Variants in ABCC1 observed in about 807,000 individuals in gnomAD.
ABCC1 encodes multidrug resistance-associated protein 1.
In ABCC1, 83 loss-of-function variants were observed where a neutral mutation model predicts 172.9. That is an observed-to-expected ratio of 0.48 (90% CI 0.40 to 0.58). The LOEUF is 0.58. Among genes scored for constraint, ABCC1 ranks in the 20% least tolerant of loss-of-function variants. The probability of loss-of-function intolerance (pLI) is 0.00; values close to 1 mark genes in which losing one functional copy is unlikely to be tolerated. For missense variants in ABCC1, 1,817 were observed against 2,002.7 expected, an observed-to-expected ratio of 0.91 and a Z score of 1.77; for synonymous variants, 937 against 825.2, an observed-to-expected ratio of 1.14 and a Z score of -2.32.
In ABCC1 at chr16:16,007,977, C is replaced by T; in HGVS notation, c.210C>T (p.Leu70=). Residue 70 remains leucine (L), a synonymous_variant, in exon 2 of 31, where the codon CTC becomes CTT. Transcript: ENST00000399410. ...GAGGCTACATTCAGATGACACCTCT[C>T]AACAAAACCAAAACTGTAAGTCACT... is the stretch of plus-strand genomic sequence containing the variant. ...HDRGYIQMTP[L]NKTKTALGFL... 4 of 1,583,082 alleles carry T rather than the reference C, an allele frequency of 2.5e-6. No homozygotes were observed. The highest frequency in any genetic ancestry group is 3.4e-6 in the Non-Finnish European group (4 of 1,166,372).
intron 20 of ABCC1, 170 bp from the exon 21 acceptor site, chr16:16,106,568 C>T: frequency 1.6e-6 from 1 of 609,578 alleles, no homozygotes; most frequent in Non-Finnish European, 2.5e-6. Flanking sequence ...TGGAGAGTGA[C>T]ATGGTGGGGT....
intron 23 of ABCC1, 67 bp downstream of exon 23, chr16:16,115,143 G>A (rs958970392): frequency 9.3e-6 from 14 of 1,512,162 alleles, no homozygotes; most frequent in Non-Finnish European, 1.3e-5. Context: ...GTTACCTAAA[G>A]CCTTGTTTTA....
At chr16:16,007,212 T>TG (rs1445992591) in intron 1 of ABCC1, among the ~76,000 whole-genome samples, 6 of 114,848 alleles carry the variant, frequency 5.2e-5, no homozygotes, top group South Asian at 5.6e-4. Flanking sequence ...GTGTATGCAC[T>TG]GTTGTGTGTG....
rs537144126 is a variant in ABCC1 at position 16,078,334 on chromosome 16, T to C, written c.1989-1018T>C. On this transcript the variant is annotated intron_variant, in intron 15 of 30. Transcript: ENST00000399410. Reference sequence around the variant, plus strand: ...AGTGGCCTGGGGTTGACCTGCCCCATTGACAGCCGGTCTTACTGGGTGAAT... The same window carrying C: ...AGTGGCCTGGGGTTGACCTGCCCCACTGACAGCCGGTCTTACTGGGTGAAT... 1.2e-3 allele frequency among the ~76,000 whole-genome samples: 186 copies of C among 152,274 alleles called. 1 individual carries two copies. Among genetic ancestry groups the C allele is most frequent in the African/African-American group, 4.2e-3 (175 of 41,566 alleles).
intron 2 of ABCC1, 23 bp downstream of exon 2, chr16:16,008,015 TGTG>T (rs757838092): frequency 1.9e-6 from 1 of 515,862 alleles, no homozygotes; most frequent in South Asian, 1.7e-5. Flanking sequence ...GGGGTTTCGT[TGTG>T]GGGGGTGGGA....
intron 24 of ABCC1, 123 bp downstream of exon 24, chr16:16,122,297 G>C (rs1457068070): frequency 9.2e-7 from 1 of 1,082,182 alleles, no homozygotes; most frequent in South Asian, 1.5e-5. Context: ...TTGCAGAAAG[G>C]ATGGAGAGGC....
At chr16:16,034,627 A>G (rs246235) in intron 6 of ABCC1, among the ~76,000 whole-genome samples, 89,907 of 138,500 alleles carry the variant, frequency 0.65, 29,154 homozygotes, top group East Asian at 0.75. Context: ...TTGCTCTGTC[A>G]TCCAGGGTGC....
rs76791929 is a variant in ABCC1, at chr16:16,133,270, G to C, written c.3967-1080G>C. ...TCTGAACATATGGACTTATTGAACT[G>C]TTCCTACGTACCTCCCACAAAGCTC... On this transcript the variant is annotated intron_variant, in intron 27 of 30. Transcript: ENST00000399410. 8.9e-3 allele frequency among the ~76,000 whole-genome samples: 1,360 copies of C among 152,266 alleles called. 9 individuals are homozygous for C. The highest frequency in any genetic ancestry group is 0.036 in the South Asian group (171 of 4,814).
intron 19 of ABCC1, among the ~76,000 whole-genome samples, chr16:16,097,825 GC>G (rs1255440431): frequency 6.6e-6 from 1 of 152,188 alleles, no homozygotes. Context: ...GTGGAATGGT[GC>G]CCCCCACGTT....
intron 19 of ABCC1, among the ~76,000 whole-genome samples, chr16:16,092,925 T>C (rs1176577882): frequency 6.6e-6 from 1 of 152,218 alleles, no homozygotes; most frequent in Non-Finnish European, 1.5e-5. Context: ...GGAGTCAGGC[T>C]GCTGTGAGCC....
At chr16:15,982,802 T>C (rs1453612681) in intron 1 of ABCC1, among the ~76,000 whole-genome samples, 5 of 4,562 alleles carry the variant, frequency 1.1e-3, no homozygotes, top group Non-Finnish European at 1.9e-3. Flanking sequence ...TGAGACGCTG[T>C]CAAAAAAAAA....
At chr16:15,977,843 T>C (rs952741226) in intron 1 of ABCC1, among the ~76,000 whole-genome samples, 6 of 152,208 alleles carry the variant, frequency 3.9e-5, no homozygotes, top group Non-Finnish European at 7.3e-5. Context: ...TGGGCATCCA[T>C]CTGTTGTCAC....
chr16:15,956,894 T>C (rs1045766772), intron 1 of ABCC1, among the ~76,000 whole-genome samples: 2 of 151,944 alleles, frequency 1.3e-5, no homozygotes, highest in African/African-American at 4.8e-5. Context: ...CCCGTGCAGT[T>C]TAAATGTGTG....
chr16:15,981,207 C>A (rs964074084), intron 1 of ABCC1, among the ~76,000 whole-genome samples: 4 of 152,236 alleles, frequency 2.6e-5, no homozygotes, highest in African/African-American at 9.7e-5. Context: ...TTTCCAGGTG[C>A]ACGGTGCAAG....
chr16:16,020,012 C>T (rs1360702741), intron 5 of ABCC1, among the ~76,000 whole-genome samples: 1 of 152,200 alleles, frequency 6.6e-6, no homozygotes, highest in Non-Finnish European at 1.5e-5. Context: ...GCCTCTGCCT[C>T]CCAGGTTCAA....
chr16:16,007,010 A>G (rs919381658), intron 1 of ABCC1, among the ~76,000 whole-genome samples: 3 of 151,980 alleles, frequency 2.0e-5, no homozygotes, highest in Non-Finnish European at 4.4e-5. Context: ...ATGATTAGAA[A>G]GTCCTCAGTT....
In ABCC1 at chr16:16,014,573, C is replaced by T; in HGVS notation, c.434C>T (p.Ala145Val). 2 of 1,614,090 alleles carry T rather than the reference C, an allele frequency of 1.2e-6. No homozygotes were observed. The highest frequency in any genetic ancestry group is 1.7e-6 in the Non-Finnish European group (2 of 1,180,024). The change falls in exon 4 of 31, where the codon GCC becomes GTC. Residue 145 changes from alanine (A) to valine (V), a missense_variant. This residue lies in a region of ABCC1 where 398 missense variants were observed against 384.2 expected (regional missense o/e 1.04). Transcript: ENST00000399410. The stretch of plus-strand genomic sequence containing the variant: ...ATCATGCTCACTTTCTGGCTGGTAG[C>T]CCTAGTGTGTGCCCTAGCCATCCTG... ...SGIMLTFWLV[A>V]LVCALAILRS...
chr16:16,075,061 C>CA (rs1491258183), intron 14 of ABCC1, among the ~76,000 whole-genome samples: 1 of 151,290 alleles, frequency 6.6e-6, no homozygotes, highest in Admixed American at 6.6e-5. Context: ...TCTCATGTCT[C>CA]AGACTCCCGA....
At position 16,121,994 on chromosome 16, in the gene ABCC1, C is replaced by G. The variant is rs2045181622; in HGVS notation, c.3410C>G (p.Ser1137Cys). The change falls in exon 24 of 31, where the codon TCC becomes TGC. Residue 1137 changes from serine to cysteine, a missense_variant. This residue lies in a region of ABCC1 where 1,412 missense variants were observed against 1,600.3 expected (regional missense o/e 0.88). Coordinates refer to ENST00000399410, the MANE Select transcript of ABCC1 (RefSeq NM_004996.4). Reference protein sequence around the residue: ...FFVQRFYVASSRQLKRLESVS... With the variant: ...FFVQRFYVASCRQLKRLESVS... ...CCCCAGAGGTTCTACGTGGCTTCCT[C>G]CCGGCAGCTGAAGCGCCTCGAGTCG... The G allele has an allele frequency of 1.9e-6, 3 of 1,614,094 alleles. No homozygotes were observed. The highest frequency in any genetic ancestry group is 4.5e-5 in the East Asian group (2 of 44,896).
Sources: gnomAD v4.1 joint callset for allele counts (sites outside exome capture counted in the v4.1 genomes callset) on GRCh38, gnomAD v4.1.1 for gene constraint, gnomAD v4.1.1 regional missense constraint, MANE v1.5 for transcripts, NCBI Gene and HGNC (gene_info 2026-07-23, HGNC 2026-07-21) for gene names.